NKAIN2: variants seen among roughly 807,000 people sequenced by gnomAD.
The protein encoded by NKAIN2 is sodium/potassium transporting ATPase interacting 2, also known as sodium/potassium-transporting ATPase subunit beta-1-interacting protein 2.
A neutral mutation model predicts 32.6 loss-of-function variants in NKAIN2; 14 were observed. The ratio of observed to expected loss-of-function variants is 0.43; its 90% CI spans 0.28 to 0.67. The LOEUF (loss-of-function observed/expected upper bound fraction) is 0.67. Ranked by LOEUF, NKAIN2 falls within the 30% of genes least tolerant of loss-of-function variation. NKAIN2 has a pLI of 0.17. For synonymous variants in NKAIN2, 80 were observed against 87.2 expected (o/e 0.92, Z 0.46); for missense variants, 198 against 258.3 (o/e 0.77, Z 1.60).
At chr6:124,107,930 A>G (rs560693090) in intron 1 of NKAIN2, among the ~76,000 whole-genome samples, 2 of 152,270 alleles carry the variant, frequency 1.3e-5, no homozygotes, top group Admixed American at 1.3e-4. Flanking sequence ...TCATCCATCA[A>G]TGGACCTTTA....
In NKAIN2 at chr6:124,516,818, C is replaced by T. The variant is rs1479009505; in HGVS notation, c.274-141368C>T. ...AAACTGAGTCACCTTCACTTCAAGT[C>T]TATGCAGCTTTTTACTAAAATCTCA... is the stretch of plus-strand genomic sequence containing the variant. On this transcript the variant is annotated intron_variant, in intron 3 of 6. Coordinates refer to ENST00000368417, the MANE Select transcript of NKAIN2 (RefSeq NM_001040214.3). 2.0e-5 allele frequency among the ~76,000 whole-genome samples: 3 copies of T among 152,274 alleles called. No individual in the cohort carries two copies. The East Asian group carries it at 5.8e-4, about 29-fold the overall frequency.
intron 1 of NKAIN2, among the ~76,000 whole-genome samples, chr6:124,091,477 G>T (rs2114928496): frequency 6.6e-6 from 1 of 152,032 alleles, no homozygotes; most frequent in African/African-American, 2.4e-5. Context: ...TAAGAAAACT[G>T]AATTTCATAC....
chr6:124,455,194 A>G (rs1776271827), intron 3 of NKAIN2, among the ~76,000 whole-genome samples: 1 of 152,060 alleles, frequency 6.6e-6, no homozygotes, highest in East Asian at 1.9e-4. Context: ...AAAAAAGAGT[A>G]TTTAATTTTT....
Position 124,595,228 on chromosome 6 carries a change from C to G in NKAIN2, c.274-62958C>G, listed in dbSNP as rs145968881. On this transcript the variant is annotated intron_variant, in intron 3 of 6. Coordinates refer to ENST00000368417, the MANE Select transcript of NKAIN2 (RefSeq NM_001040214.3). ...CTGCAAACGTCCCATGATCGTTGCTCAGATGTCTTGCCTAGATGCTGATCT... is the reference window on the plus strand; with the variant it reads ...CTGCAAACGTCCCATGATCGTTGCTGAGATGTCTTGCCTAGATGCTGATCT... Among the ~76,000 whole-genome samples, 13 of 152,264 alleles carry G rather than the reference C, an allele frequency of 8.5e-5. No homozygotes were observed. The East Asian group carries it at 2.3e-3, about 27-fold the overall frequency.
intron 4 of NKAIN2, among the ~76,000 whole-genome samples, chr6:124,788,662 T>A (rs1338736674): frequency 6.6e-6 from 1 of 151,990 alleles, no homozygotes; most frequent in Non-Finnish European, 1.5e-5. Flanking sequence ...GAGAACAGCA[T>A]GAAGGTAACT....
chr6:124,596,675 T>C (rs1037730583), intron 3 of NKAIN2, among the ~76,000 whole-genome samples: 2 of 145,510 alleles, frequency 1.4e-5, no homozygotes, highest in African/African-American at 5.3e-5. Flanking sequence ...TGTGTGTGTG[T>C]GTGTGTGTGT....
chr6:124,245,837 A>G (rs1020180493), intron 1 of NKAIN2, among the ~76,000 whole-genome samples: 1 of 152,228 alleles, frequency 6.6e-6, no homozygotes. Context: ...GCATATTAAG[A>G]GTATGTATGT....
intron 3 of NKAIN2, among the ~76,000 whole-genome samples, chr6:124,416,989 G>A (rs1327785667): frequency 1.3e-5 from 2 of 152,120 alleles, no homozygotes; most frequent in Non-Finnish European, 2.9e-5. Context: ...TGTCAGAGAA[G>A]GCCTGCTGAA....
intron 3 of NKAIN2, among the ~76,000 whole-genome samples, chr6:124,644,486 C>G (rs538270582): frequency 3.4e-4 from 52 of 151,520 alleles, no homozygotes; most frequent in Non-Finnish European, 6.8e-4. Context: ...CTTACTGAAA[C>G]CTCCGCCTCC....
intron 1 of NKAIN2, among the ~76,000 whole-genome samples, chr6:123,942,288 A>G (rs1254630656): frequency 6.6e-6 from 1 of 152,072 alleles, no homozygotes; most frequent in African/African-American, 2.4e-5. Context: ...TAATACTAAT[A>G]GAATAATACG....
intron 2 of NKAIN2, among the ~76,000 whole-genome samples, chr6:124,347,939 C>G (rs547967206): frequency 6.6e-6 from 1 of 152,284 alleles, no homozygotes; most frequent in East Asian, 1.9e-4. Flanking sequence ...AGTTTTTCTG[C>G]TCTGTTTTTT....
At chr6:124,415,878 C>CTTTTTTTTTTTTTCTT (rs1774444834) in intron 3 of NKAIN2, among the ~76,000 whole-genome samples, 1 of 72,590 alleles carries the variant, frequency 1.4e-5, no homozygotes, top group Non-Finnish European at 2.6e-5. Flanking sequence ...TTTTTATTTG[C>CTTTTTTTTTTTTTCTT]TTTTTTTTTT....
intron 1 of NKAIN2, among the ~76,000 whole-genome samples, chr6:124,057,330 A>C (rs1289162805): frequency 1.3e-5 from 2 of 152,162 alleles, no homozygotes; most frequent in African/African-American, 2.4e-5. Flanking sequence ...TTTTAATGCC[A>C]CCCTAACATT....
chr6:124,413,553 A>G (rs1423144694), intron 3 of NKAIN2, among the ~76,000 whole-genome samples: 7 of 152,168 alleles, frequency 4.6e-5, no homozygotes, highest in South Asian at 2.1e-4. Flanking sequence ...TTTCCATACA[A>G]ATTTCAGAAT....
chr6:124,815,394 C>T (rs1390421150), intron 5 of NKAIN2, among the ~76,000 whole-genome samples: 1 of 151,594 alleles, frequency 6.6e-6, no homozygotes, highest in Non-Finnish European at 1.5e-5. Context: ...CTGAGCCTCC[C>T]GAGTAGCTGG....
At chr6:124,273,880 T>C (rs1794912884) in intron 1 of NKAIN2, among the ~76,000 whole-genome samples, 1 of 152,224 alleles carries the variant, frequency 6.6e-6, no homozygotes, top group Non-Finnish European at 1.5e-5. Flanking sequence ...TTACCTGTCA[T>C]GTACTTTGAG....
chr6:124,109,224 C>G (rs1785255319), intron 1 of NKAIN2, among the ~76,000 whole-genome samples: 1 of 151,918 alleles, frequency 6.6e-6, no homozygotes, highest in African/African-American at 2.4e-5. Context: ...TAAAATTTCT[C>G]TCATCAATGC....
At chr6:124,416,776 A>G (rs577155836) in intron 3 of NKAIN2, among the ~76,000 whole-genome samples, 3 of 152,244 alleles carry the variant, frequency 2.0e-5, no homozygotes, top group African/African-American at 7.2e-5. Context: ...GGGGAGCAGT[A>G]ATGGGGTACT....
At chr6:124,471,108 GA>G (rs373331725) in intron 3 of NKAIN2, among the ~76,000 whole-genome samples, 1 of 152,154 alleles carries the variant, frequency 6.6e-6, no homozygotes, top group Non-Finnish European at 1.5e-5. Flanking sequence ...GGCCTCAACA[GA>G]AAAAGTTTGC....
Sources: allele counts gnomAD v4.1 joint callset (sites outside exome capture counted in the v4.1 genomes callset), GRCh38; gene constraint gnomAD v4.1.1; transcripts MANE v1.5; gene names NCBI Gene and HGNC (gene_info 2026-07-23, HGNC 2026-07-21).